Variants in HUWE1 observed in about 807,000 individuals in gnomAD.
The protein encoded by HUWE1 is E3 ubiquitin-protein ligase HUWE1.
In HUWE1, 18 loss-of-function variants were observed where a neutral mutation model predicts 299.4. The observed-to-expected ratio is 0.06, with a 90% CI of 0.04 to 0.09. HUWE1 has a LOEUF of 0.09. Ranked by LOEUF, HUWE1 falls within the 10% of genes least tolerant of loss-of-function variation. HUWE1 has a pLI of 1.00. For synonymous variants in HUWE1, 1,317 were observed against 1,286.1 expected (o/e 1.02, Z -0.51); for missense variants, 1,832 against 3,462.3 (o/e 0.53, Z 11.82).
At chrX:53,636,451 C>T (rs1341342350) in intron 7 of HUWE1, among the ~76,000 whole-genome samples, 1 of 113,037 alleles carries the variant, frequency 8.8e-6, no homozygotes, top group Admixed American at 9.3e-5. Flanking sequence ...GGTGCGGTGG[C>T]TCATGCCTGT....
intron 7 of HUWE1, among the ~76,000 whole-genome samples, chrX:53,634,716 C>T (rs1226213119): frequency 1.8e-5 from 2 of 112,676 alleles, no homozygotes; most frequent in African/African-American, 3.2e-5. Flanking sequence ...ACTCACCTTC[C>T]GCACTAGGGA....
rs1556970301 is a variant in HUWE1, at chrX:53,583,748, G to C, written c.5330C>G (p.Ala1777Gly). The C allele has an allele frequency of 8.3e-7, 1 of 1,210,970 alleles. No homozygotes were observed. The change falls in exon 42 of 84, where the codon GCC (alanine) becomes GGC (glycine). Residue 1777 changes from alanine to glycine, a missense_variant. Ala to Gly is a moderately conservative substitution (Grantham distance 60, BLOSUM62 0). Around this residue, in one of 15 missense-constraint regions of HUWE1, gnomAD observed 50 missense variants for 114.9 expected, o/e 0.44. Coordinates refer to ENST00000262854, the MANE Select transcript of HUWE1 (RefSeq NM_031407.7). ...GVPVDPDTLH[A>G]TLRLCLRLTR... ...GAGCCTCAGACAGAGACGAAGGGTG[G>C]CATGCAAAGTATCTGGGTCCACAGG...
At chrX:53,559,154 C>A (rs1421513104) in intron 57 of HUWE1, 94 bp from the exon 58 acceptor site, 7 of 799,916 alleles carry the variant, frequency 8.8e-6, no homozygotes, top group South Asian at 2.3e-5. Flanking sequence ...CTAAAAGGAC[C>A]CAAGGTCTAT....
intron 13 of HUWE1, among the ~76,000 whole-genome samples, 162 bp downstream of exon 13, chrX:53,629,354 C>T (rs1198033712): frequency 1.8e-5 from 2 of 110,916 alleles, no homozygotes; most frequent in Admixed American, 9.6e-5. Context: ...AATGTGTATA[C>T]GAAACATCAA....
chrX:53,554,897 A>G lies in HUWE1; in HGVS notation c.8230T>C (p.Tyr2744His), dbSNP rs1436122562. Residue 2744 changes from tyrosine (Y) to histidine (H), a missense_variant, in exon 61 of 84, where the codon TAC (tyrosine) becomes CAC (histidine). This residue lies in a region of HUWE1 where 143 missense variants were observed against 148.1 expected (regional missense o/e 0.97). Transcript: ENST00000262854. ...LSDGTPMPDS[Y>H]PTTPSSTDAA... ...TCAGTTGAAGATGGGGTTGTTGGGT[A>G]GCTGTCAGGCATAGGCGTCCCATCT... 10 of 1,187,389 alleles carry G rather than the reference A, an allele frequency of 8.4e-6. No homozygotes were observed. The highest frequency in any genetic ancestry group is 1.9e-5 in the South Asian group (1 of 52,879).
chrX:53,551,798 C>A (rs1253080411), intron 63 of HUWE1, among the ~76,000 whole-genome samples: 1 of 111,682 alleles, frequency 9.0e-6, no homozygotes, highest in Non-Finnish European at 1.9e-5. Context: ...CAGGCACGAG[C>A]CACCGCGCCC....
In HUWE1 at chrX:53,580,499, C is replaced by G. The variant is rs376279755; in HGVS notation, c.5716+332G>C. The stretch of plus-strand genomic sequence containing the variant: ...GACGTCTATTTCGCACTGTGTTACA[C>G]GAGACATACATCCATTTAACCCTTA... On this transcript the variant is annotated intron_variant, in intron 43 of 83. Transcript: ENST00000262854. 1.7e-4 allele frequency among the ~76,000 whole-genome samples: 19 copies of G among 112,058 alleles called. No individual in the cohort carries two copies. In the South Asian group the frequency reaches 6.7e-3, roughly 39 times the overall value.
chrX:53,568,570 A>G (rs2062679238), intron 49 of HUWE1, 122 bp downstream of exon 49: 4 of 576,895 alleles, frequency 6.9e-6, no homozygotes, highest in Non-Finnish European at 1.1e-5. Context: ...AAAAGCCACA[A>G]TAAGAAAGAC....
chrX:53,539,807 C>T lies in HUWE1; in HGVS notation c.11482G>A (p.Asp3828Asn), dbSNP rs782243459. The T allele has an allele frequency of 6.6e-6, 8 of 1,207,993 alleles. No individual in the cohort carries two copies. Among genetic ancestry groups the T allele is most frequent in the Non-Finnish European group, 7.8e-6 (7 of 893,367 alleles). The change falls in exon 75 of 84, where the codon GAT (aspartate) becomes AAT (asparagine). Residue 3828 changes from aspartate (D) to asparagine (N), a missense_variant. Physicochemically the swap from Asp to Asn is conservative, Grantham distance 23. Transcript: ENST00000262854. ...SAQDTQSIAS[D>N]GTPQGEKEKE... ...TCCTTCTCCCCCTGTGGGGTTCCAT[C>T]GGAGGCTGGAGGGCACACAGAAGAG...
At chrX:53,596,502 CAGTATTG>C (rs1190342475) in intron 29 of HUWE1, among the ~76,000 whole-genome samples, 5 of 111,932 alleles carry the variant, frequency 4.5e-5, no homozygotes, top group Non-Finnish European at 9.4e-5. Flanking sequence ...AGTAAATAAG[CAGTATTG>C]AGTAACTGGA....
Position 53,552,709 on chromosome X carries a change from G to A in HUWE1, c.8679C>T (p.Ala2893=). The change falls in exon 62 of 84, where the codon GCC becomes GCT. Residue 2893 remains alanine (A), a synonymous_variant. Coordinates refer to ENST00000262854, the MANE Select transcript of HUWE1 (RefSeq NM_031407.7). ...CTTGCACTTCCGCCACAGCTGGTGG[G>A]GCATCCCCAGGAGTGGAGCTGCCTG... The part of the protein sequence containing the change: ...PRAGSSTPGD[A]PPAVAEVQGR... 2.5e-6 allele frequency: 3 copies of A among 1,211,687 alleles called. No homozygotes were observed. The highest frequency in any genetic ancestry group is 3.4e-6 in the Non-Finnish European group (3 of 895,432).
intron 3 of HUWE1, among the ~76,000 whole-genome samples, chrX:53,660,900 G>A (rs1456338109): frequency 9.0e-6 from 1 of 110,541 alleles, no homozygotes; most frequent in African/African-American, 3.3e-5. Context: ...CTCAAGTCAA[G>A]TTTTGCCTCT....
chrX:53,629,574 T>C lies in HUWE1; in HGVS notation c.905A>G (p.Tyr302Cys). ...ALQESANSIL[Y>C]NGLIEELVDV... Reference sequence around the variant, plus strand: ...TACCAACTCCTCTATCAAGCCATTATACAAGATACTGTTTGCTGATTCCTG... The same window carrying C: ...TACCAACTCCTCTATCAAGCCATTACACAAGATACTGTTTGCTGATTCCTG... The change falls in exon 13 of 84, where the codon TAT (tyrosine) becomes TGT (cysteine). Residue 302 changes from tyrosine to cysteine, a missense_variant. Tyr to Cys is a radical substitution (Grantham distance 194). Transcript: ENST00000262854. 1 of 1,201,714 alleles carries C rather than the reference T, an allele frequency of 8.3e-7. No homozygotes were observed. The highest frequency in any genetic ancestry group is 1.7e-5 in the African/African-American group (1 of 57,628).
chrX:53,625,352 C>T, intron 17 of HUWE1, 94 bp from the exon 18 acceptor site: 1 of 563,964 alleles, frequency 1.8e-6, no homozygotes, highest in Non-Finnish European at 3.2e-6. Flanking sequence ...GATCCAAATA[C>T]ACTATAATAA....
At chrX:53,662,708 A>T (rs2069064080) in intron 3 of HUWE1, among the ~76,000 whole-genome samples, 2 of 112,355 alleles carry the variant, frequency 1.8e-5, no homozygotes, top group South Asian at 7.3e-4. Flanking sequence ...TTGTCAGCAC[A>T]CATATATTAC....
chrX:53,578,423 C>A (rs1455256468), intron 43 of HUWE1, among the ~76,000 whole-genome samples: 3 of 93,136 alleles, frequency 3.2e-5, no homozygotes, highest in Admixed American at 3.2e-4. Flanking sequence ...TGCCCGGCCG[C>A]CCCTACTGGG....
intron 31 of HUWE1, among the ~76,000 whole-genome samples, chrX:53,594,155 A>C (rs1427519144): frequency 8.9e-6 from 1 of 111,992 alleles, no homozygotes; most frequent in Admixed American, 9.4e-5. Flanking sequence ...AACCAGTGAA[A>C]CTCATCTTGA....
chrX:53,629,274 G>A (rs1009105231), intron 13 of HUWE1, among the ~76,000 whole-genome samples: 3 of 111,643 alleles, frequency 2.7e-5, no homozygotes, highest in African/African-American at 9.8e-5. Flanking sequence ...GATCTCATGT[G>A]ACAGGTCACA....
In HUWE1 at chrX:53,533,275, T is replaced by TA. The variant is rs781948869; in HGVS notation, c.*33dup. On this transcript the variant is annotated 3_prime_UTR_variant, in exon 84 of 84. Transcript: ENST00000262854. ...CCCCCCTCCCCAGGTCCAACAATGG[T>TA]AAAAAAAACCCCACGGAGTTGGGCA... 9.2e-4 allele frequency: 894 copies of TA among 969,812 alleles called. 4 individuals carry two copies. Among genetic ancestry groups the TA allele is most frequent in the Admixed American group, 3.4e-3 (145 of 42,826 alleles). 79.9% of individuals were successfully genotyped at this position (969,812 alleles called of 1,213,427 possible).
Sources: allele counts gnomAD v4.1 joint callset (sites outside exome capture counted in the v4.1 genomes callset), GRCh38; gene constraint gnomAD v4.1.1; regional missense constraint gnomAD v4.1.1; transcripts MANE v1.5; gene names NCBI Gene and HGNC (gene_info 2026-07-23, HGNC 2026-07-21).